OPTC: variants seen among roughly 807,000 people sequenced by gnomAD.
OPTC encodes the protein oculoglycan.
A neutral mutation model predicts 25.4 loss-of-function variants in OPTC; 22 were observed. The observed-to-expected ratio is 0.87, with a 90% CI of 0.62 to 1.24. The LOEUF is 1.24. Among genes scored for constraint, OPTC ranks in the 50% most tolerant of loss-of-function variants. The pLI, the probability that OPTC is intolerant of heterozygous loss-of-function variation, is 0.00. For synonymous variants in OPTC, 169 were observed against 179.3 expected, an observed-to-expected ratio of 0.94 and a Z score of 0.46; for missense variants, 417 against 425.2, an observed-to-expected ratio of 0.98 and a Z score of 0.17.
chr1:203,505,139 C>T (rs1239004050), intron 7 of OPTC, among the ~76,000 whole-genome samples: 5 of 152,162 alleles, frequency 3.3e-5, no homozygotes, highest in African/African-American at 1.2e-4. Context: ...CTTACTCACG[C>T]AGGAGGATCT....
intron 7 of OPTC, among the ~76,000 whole-genome samples, chr1:203,504,419 A>G (rs1661443932): frequency 6.6e-6 from 1 of 152,140 alleles, no homozygotes; most frequent in South Asian, 2.1e-4. Context: ...GTGACATCAT[A>G]TCGGTGGTTT....
chr1:203,507,117 CAGAG>C (rs1297518385), intron 7 of OPTC, among the ~76,000 whole-genome samples: 2 of 152,158 alleles, frequency 1.3e-5, no homozygotes, highest in Admixed American at 6.5e-5. Flanking sequence ...TGGGGAGAGA[CAGAG>C]AGAGAGAAAC....
intron 7 of OPTC, among the ~76,000 whole-genome samples, chr1:203,508,415 G>A (rs1162309975): frequency 6.6e-6 from 1 of 152,150 alleles, no homozygotes; most frequent in African/African-American, 2.4e-5. Flanking sequence ...GAACCTTGGG[G>A]CTCAAAGACA....
At chr1:203,502,357 C>A (rs995292653) in intron 5 of OPTC, among the ~76,000 whole-genome samples, 2 of 152,036 alleles carry the variant, frequency 1.3e-5, no homozygotes, top group Admixed American at 6.6e-5. Context: ...AGAGCATGGA[C>A]GATAAACAGA....
chr1:203,503,884 G>A (rs1311543336), intron 7 of OPTC, 139 bp downstream of exon 7: 2 of 748,836 alleles, frequency 2.7e-6, no homozygotes, highest in African/African-American at 3.5e-5. Flanking sequence ...GCACACGCAT[G>A]CATACACACA....
At position 203,499,271 on chromosome 1, in the gene OPTC, A is replaced by G. The variant is rs1217266290; in HGVS notation, c.530-378A>G. Reference sequence around the variant, plus strand: ...GACAGGAGACCTGGGTTCTGATCCAAATTCTACCACTAATTACCCAGAGCC... The same window carrying G: ...GACAGGAGACCTGGGTTCTGATCCAGATTCTACCACTAATTACCCAGAGCC... On this transcript the variant is annotated intron_variant, in intron 4 of 7. Coordinates refer to ENST00000367222, the MANE Select transcript of OPTC (RefSeq NM_014359.4). Among the ~76,000 whole-genome samples, 4 of 152,078 alleles carry G rather than the reference A, an allele frequency of 2.6e-5. No homozygotes were observed. In the East Asian group the frequency reaches 5.8e-4, roughly 22 times the overall value.
At position 203,496,035 on chromosome 1, in the gene OPTC, G is replaced by A; in HGVS notation, c.30G>A (p.Leu10=). The change falls in exon 2 of 8, where the codon CTG becomes CTA. Residue 10 remains leucine (L), a synonymous_variant. Transcript: ENST00000367222. MRLLAFLSL[L]ALVLQETGTA... ...GGCTCCTGGCTTTCCTGAGTCTGCTGGCCTTGGTGCTGCAGGAGACAGGGA... is the reference window on the plus strand; with the variant it reads ...GGCTCCTGGCTTTCCTGAGTCTGCTAGCCTTGGTGCTGCAGGAGACAGGGA... The A allele has an allele frequency of 1.9e-6, 3 of 1,613,662 alleles. No homozygotes were observed.
chr1:203,500,232 C>T (rs1571598660), intron 5 of OPTC, among the ~76,000 whole-genome samples: 1 of 2,254 alleles, frequency 4.4e-4, no homozygotes, highest in African/African-American at 2.2e-3. Flanking sequence ...ACCTACCACC[C>T]ACCTCCACAC....
intron 7 of OPTC, among the ~76,000 whole-genome samples, chr1:203,506,213 G>A (rs1420452013): frequency 4.7e-5 from 7 of 148,712 alleles, no homozygotes; most frequent in Admixed American, 1.3e-4. Context: ...GTGCAATGGC[G>A]TGATCTTGGC....
chr1:203,506,206 C>A (rs1661484432), intron 7 of OPTC, among the ~76,000 whole-genome samples: 1 of 143,534 alleles, frequency 7.0e-6, no homozygotes, highest in African/African-American at 2.6e-5. Context: ...GGGGGGAGTG[C>A]AATGGCGTGA....
Position 203,502,973 on chromosome 1 carries a change from G to A in OPTC, c.792G>A (p.Gly264=). 6.2e-7 allele frequency: 1 copy of A among 1,613,966 alleles called. No individual in the cohort carries two copies. The highest frequency in any genetic ancestry group is 8.5e-7 in the Non-Finnish European group (1 of 1,180,034). Residue 264 remains glycine, a synonymous_variant, in exon 6 of 8, where the codon GGG becomes GGA. Transcript: ENST00000367222. ...ACAACCTGCTGGATTCTATCCCGGG[G>A]CCTTTGCCCCTGAGCCTGCGCTCTG... ...LSDNLLDSIP[G]PLPLSLRSVH...
intron 7 of OPTC, among the ~76,000 whole-genome samples, chr1:203,507,684 C>A (rs995840731): frequency 2.0e-5 from 3 of 152,090 alleles, no homozygotes; most frequent in Non-Finnish European, 4.4e-5. Context: ...CCCTCCTCTC[C>A]GTGAGAGAAA....
intron 2 of OPTC, among the ~76,000 whole-genome samples, chr1:203,496,582 C>T (rs534734487): frequency 6.6e-6 from 1 of 152,310 alleles, no homozygotes; most frequent in Non-Finnish European, 1.5e-5. Flanking sequence ...AGTTCTTTCC[C>T]AGGTCCTCTT....
intron 7 of OPTC, among the ~76,000 whole-genome samples, chr1:203,504,835 G>T (rs972091432): frequency 5.9e-5 from 9 of 152,116 alleles, no homozygotes; most frequent in Non-Finnish European, 1.0e-4. Flanking sequence ...CTTCCCATTC[G>T]CTCCTACATG....
intron 7 of OPTC, among the ~76,000 whole-genome samples, chr1:203,506,152 C>CT (rs1211629662): frequency 0.015 from 2,108 of 140,586 alleles, 25 homozygotes; most frequent in Non-Finnish European, 0.02. Flanking sequence ...TTTCTTTTTT[C>CT]TTTTTTTTTT....
chr1:203,505,916 A>ATC (rs532898730), intron 7 of OPTC, among the ~76,000 whole-genome samples: 3 of 150,252 alleles, frequency 2.0e-5, no homozygotes, highest in Non-Finnish European at 4.4e-5. Flanking sequence ...TTACAGCGGA[A>ATC]TCTCTCTCTC....
intron 2 of OPTC, among the ~76,000 whole-genome samples, chr1:203,496,610 C>T (rs1430693561): frequency 1.3e-5 from 2 of 152,162 alleles, no homozygotes; most frequent in Non-Finnish European, 1.5e-5. Flanking sequence ...ACTGCAGCAG[C>T]GTGGGGTGCA....
intron 7 of OPTC, among the ~76,000 whole-genome samples, chr1:203,507,638 A>G (rs895099664): frequency 6.6e-6 from 1 of 152,218 alleles, no homozygotes; most frequent in African/African-American, 2.4e-5. Flanking sequence ...TCCTATGAGT[A>G]TCAGCGGGAG....
intron 6 of OPTC, 64 bp from the exon 7 acceptor site, chr1:203,503,486 C>A (rs952263841): frequency 1.3e-6 from 2 of 1,525,574 alleles, no homozygotes; most frequent in Non-Finnish European, 1.8e-6. Flanking sequence ...CTGATGTGAG[C>A]CTTTGGTGCT....
Sources: gnomAD v4.1 joint callset for allele counts (sites outside exome capture counted in the v4.1 genomes callset) on GRCh38, gnomAD v4.1.1 for gene constraint, MANE v1.5 for transcripts, NCBI Gene and HGNC (gene_info 2026-07-23, HGNC 2026-07-21) for gene names.